Variants in PAPOLG observed in about 807,000 individuals in gnomAD.
PAPOLG encodes poly(A) polymerase gamma.
In PAPOLG, 40 loss-of-function variants were observed where a neutral mutation model predicts 99.0. The ratio of observed to expected loss-of-function variants is 0.40; its 90% CI spans 0.31 to 0.53. The LOEUF is 0.53. Ranked by LOEUF, PAPOLG falls within the 20% of genes least tolerant of loss-of-function variation. PAPOLG has a pLI of 0.41. For missense variants in PAPOLG, 675 were observed against 884.1 expected (o/e 0.76, Z 3.00); for synonymous variants, 310 against 299.3 (o/e 1.04, Z -0.37).
chr2:60,759,977 C>A (rs985425716), intron 1 of PAPOLG, 157 bp from the exon 2 acceptor site: 16 of 222,748 alleles, frequency 7.2e-5, no homozygotes, highest in Non-Finnish European at 9.8e-5. Flanking sequence ...ACATAAAATA[C>A]CCATTTTTCC....
At chr2:60,766,277 G>A (rs1670671852) in intron 3 of PAPOLG, among the ~76,000 whole-genome samples, 1 of 152,068 alleles carries the variant, frequency 6.6e-6, no homozygotes, top group Non-Finnish European at 1.5e-5. Context: ...AGAAAGCACA[G>A]AGGAAAAAAA....
At chr2:60,759,459 C>T (rs1438121490) in intron 1 of PAPOLG, among the ~76,000 whole-genome samples, 1 of 152,094 alleles carries the variant, frequency 6.6e-6, no homozygotes, top group Non-Finnish European at 1.5e-5. Flanking sequence ...GAGGGTGGCT[C>T]ATGTATCTTC....
chr2:60,764,699 T>A (rs1670622152), intron 3 of PAPOLG, among the ~76,000 whole-genome samples: 1 of 152,184 alleles, frequency 6.6e-6, no homozygotes, highest in African/African-American at 2.4e-5. Context: ...GTGCTAGGAT[T>A]ATAGGCATGA....
chr2:60,775,953 C>T (rs905955973), intron 8 of PAPOLG, among the ~76,000 whole-genome samples: 9 of 152,002 alleles, frequency 5.9e-5, no homozygotes, highest in African/African-American at 1.4e-4. Context: ...TTGGTAGAGA[C>T]GGGGTTTCAC....
chr2:60,796,209 T>C (rs35448159), intron 21 of PAPOLG, among the ~76,000 whole-genome samples: 4 of 72,886 alleles, frequency 5.5e-5, no homozygotes, highest in African/African-American at 1.4e-4. Flanking sequence ...TTTGCCTTCC[T>C]TTTTTTTTTT....
rs1057478360 is a variant in PAPOLG, at chr2:60,800,514, G to A, written c.*3354G>A. 2 of 152,300 alleles carry A rather than the reference G, an allele frequency of 1.3e-5. No individual in the cohort carries two copies. The highest frequency in any genetic ancestry group is 1.3e-4 in the Admixed American group (2 of 15,270). 9.4% of individuals were successfully genotyped at this position (152,300 alleles called of 1,614,324 possible). A position where few individuals can be genotyped will look rare whatever the true frequency, so the allele number is the denominator to read the frequency against. On this transcript the variant is annotated 3_prime_UTR_variant, in exon 22 of 22. Coordinates refer to ENST00000238714, the MANE Select transcript of PAPOLG (RefSeq NM_022894.4). ...ATGAATTTTAAAAATCTATGTTAGTGTTTAAAATGAGTGCTTTGTTTTAAA... is the reference window on the plus strand; with the variant it reads ...ATGAATTTTAAAAATCTATGTTAGTATTTAAAATGAGTGCTTTGTTTTAAA...
intron 15 of PAPOLG, among the ~76,000 whole-genome samples, chr2:60,790,961 C>A (rs11694903): frequency 6.6e-6 from 1 of 151,910 alleles, no homozygotes; most frequent in Non-Finnish European, 1.5e-5. Context: ...TGGTGCCATG[C>A]GCTTCTAGTC....
chr2:60,781,822 G>A (rs1406739362), intron 10 of PAPOLG, 63 bp from the exon 11 acceptor site: 1 of 1,599,580 alleles, frequency 6.3e-7, no homozygotes, highest in Non-Finnish European at 8.5e-7. Context: ...GACTTTTGGG[G>A]AAATGAAGTG....
chr2:60,783,503 T>C (rs1671262939), intron 13 of PAPOLG, among the ~76,000 whole-genome samples: 1 of 115,444 alleles, frequency 8.7e-6, no homozygotes, highest in African/African-American at 3.3e-5. Flanking sequence ...ACCCGGCCTT[T>C]TTTTTTTTTT....
intron 21 of PAPOLG, chr2:60,795,343 C>G (rs1671664491): frequency 2.0e-6 from 1 of 500,336 alleles, no homozygotes; most frequent in Non-Finnish European, 3.9e-6. Context: ...GGAGGTATAT[C>G]TCTGTTGTGT....
chr2:60,792,051 A>C, intron 16 of PAPOLG, 78 bp from the exon 17 acceptor site: 2 of 1,491,448 alleles, frequency 1.3e-6, no homozygotes, highest in Non-Finnish European at 1.8e-6. Context: ...TAATTTGCTT[A>C]AGTGACCTTC....
chr2:60,757,359 G>A (rs1396390263), intron 1 of PAPOLG, among the ~76,000 whole-genome samples: 2 of 152,126 alleles, frequency 1.3e-5, no homozygotes, highest in Non-Finnish European at 2.9e-5. Flanking sequence ...TGCTCCAGAT[G>A]TCTCCACAGT....
chr2:60,758,246 T>A (rs1670408885), intron 1 of PAPOLG, among the ~76,000 whole-genome samples: 1 of 151,722 alleles, frequency 6.6e-6, no homozygotes, highest in Non-Finnish European at 1.5e-5. Flanking sequence ...AAATTACCAC[T>A]TGAAATAACT....
chr2:60,778,664 CT>C (rs902435931), intron 8 of PAPOLG, among the ~76,000 whole-genome samples: 1 of 152,120 alleles, frequency 6.6e-6, no homozygotes, highest in African/African-American at 2.4e-5. Context: ...CAACACATGG[CT>C]TGTGGCTACC....
chr2:60,794,226 G>C, intron 19 of PAPOLG, 35 bp downstream of exon 19: 1 of 1,575,936 alleles, frequency 6.3e-7, no homozygotes, highest in Non-Finnish European at 8.7e-7. Flanking sequence ...TTCAGTAGTT[G>C]ATATTTTTTA....
intron 13 of PAPOLG, among the ~76,000 whole-genome samples, chr2:60,783,651 C>T (rs191473203): frequency 1.1e-4 from 17 of 151,398 alleles, no homozygotes; most frequent in Admixed American, 7.9e-4. Flanking sequence ...GCTGGGACTA[C>T]AGGTGTGCAC....
intron 5 of PAPOLG, 99 bp downstream of exon 5, chr2:60,768,989 A>G (rs961632624): frequency 2.5e-5 from 21 of 848,320 alleles, no homozygotes; most frequent in Non-Finnish European, 3.5e-5. Flanking sequence ...CTAAGTTACT[A>G]TTAGGAGGTA....
At chr2:60,769,020 T>C in intron 5 of PAPOLG, 130 bp downstream of exon 5, 1 of 699,796 alleles carries the variant, frequency 1.4e-6, no homozygotes, top group Non-Finnish European at 2.3e-6. Flanking sequence ...GTAGCTTTAA[T>C]AAGTGATGAT....
chr2:60,793,207 A>T (rs192718669), intron 17 of PAPOLG, among the ~76,000 whole-genome samples: 42 of 140,786 alleles, frequency 3.0e-4, no homozygotes, highest in African/African-American at 1.1e-3. Flanking sequence ...ACCATGTCTA[A>T]AAAAAAAAAA....
Sources: allele counts gnomAD v4.1 joint callset (sites outside exome capture counted in the v4.1 genomes callset), GRCh38; gene constraint gnomAD v4.1.1; transcripts MANE v1.5; gene names NCBI Gene and HGNC (gene_info 2026-07-23, HGNC 2026-07-21).